The following GPC5 variants were observed in gnomAD, a reference collection of about 807,000 sequenced individuals.
The protein encoded by GPC5 is glypican-5.
Under a neutral mutation model 53.9 loss-of-function variants are expected in GPC5, and 47 were observed. That is an observed-to-expected ratio of 0.87 (90% confidence interval 0.69 to 1.11). GPC5 has a LOEUF of 1.11. Ranked by LOEUF, GPC5 falls within the 50% of genes most tolerant of loss-of-function variation. The pLI, the probability that GPC5 is intolerant of heterozygous loss-of-function variation, is 0.00. For synonymous variants in GPC5, 286 were observed against 263.3 expected, an observed-to-expected ratio of 1.09 and a Z score of -0.84; for missense variants, 748 against 713.1, an observed-to-expected ratio of 1.05 and a Z score of -0.56.
At chr13:91,871,348 A>G (rs1332892530) in intron 5 of GPC5, among the ~76,000 whole-genome samples, 1 of 152,110 alleles carries the variant, frequency 6.6e-6, no homozygotes, top group Non-Finnish European at 1.5e-5. Context: ...ACCGGGGTCT[A>G]CTTGAGAGAG....
At position 92,140,577 on chromosome 13, in the gene GPC5, T is replaced by C. The variant is rs575129764; in HGVS notation, c.1402-4253T>C. Among the ~76,000 whole-genome samples, 5 of 152,350 alleles carry C rather than the reference T, an allele frequency of 3.3e-5. No homozygotes were observed. The South Asian group carries it at 1.0e-3, about 32-fold the overall frequency. On this transcript the variant is annotated intron_variant, in intron 6 of 7. Coordinates refer to ENST00000377067, the MANE Select transcript of GPC5 (RefSeq NM_004466.6). ...CATTTTTCCACATTTTATCACTCTT[T>C]CTGTGACCCATCTTTTTGGATTGAT...
At chr13:92,477,214 A>G (rs1052471655) in intron 7 of GPC5, among the ~76,000 whole-genome samples, 27 of 152,110 alleles carry the variant, frequency 1.8e-4, no homozygotes, top group South Asian at 6.2e-4. Context: ...ATCTGAGTAA[A>G]CAAAAGTGGA....
At chr13:92,255,104 T>C (rs899186388) in intron 7 of GPC5, among the ~76,000 whole-genome samples, 6 of 152,200 alleles carry the variant, frequency 3.9e-5, no homozygotes, top group Non-Finnish European at 1.5e-5. Flanking sequence ...GCATAAGTTG[T>C]ATGCAAATAC....
intron 7 of GPC5, among the ~76,000 whole-genome samples, chr13:92,626,139 T>A (rs539658256): frequency 6.6e-6 from 1 of 152,338 alleles, no homozygotes; most frequent in African/African-American, 2.4e-5. Context: ...CTTACAATAC[T>A]CAGATTATAT....
intron 7 of GPC5, among the ~76,000 whole-genome samples, chr13:92,170,124 T>A (rs2042058910): frequency 6.6e-6 from 1 of 151,838 alleles, no homozygotes; most frequent in Non-Finnish European, 1.5e-5. Flanking sequence ...ACTAACATAT[T>A]GAAAGAATAT....
intron 2 of GPC5, among the ~76,000 whole-genome samples, chr13:91,534,919 T>C (rs2138689834): frequency 6.6e-6 from 1 of 152,332 alleles, no homozygotes; most frequent in African/African-American, 2.4e-5. Context: ...GTGGCCAGGA[T>C]GCTCTTTTAT....
intron 7 of GPC5, among the ~76,000 whole-genome samples, chr13:92,500,421 T>TA (rs1376444187): frequency 6.6e-6 from 1 of 151,950 alleles, no homozygotes; most frequent in East Asian, 1.9e-4. Flanking sequence ...CCCCCAGGAG[T>TA]AGAGAGCAAT....
At chr13:91,874,305 G>A (rs2039179272) in intron 5 of GPC5, among the ~76,000 whole-genome samples, 2 of 152,038 alleles carry the variant, frequency 1.3e-5, no homozygotes, top group South Asian at 4.1e-4. Context: ...GCATGGCCTT[G>A]ATTTTACACG....
At chr13:91,830,005 A>G (rs147430265) in intron 5 of GPC5, among the ~76,000 whole-genome samples, 6,735 of 152,196 alleles carry the variant, frequency 0.044, 174 homozygotes, top group Middle Eastern at 0.068. Flanking sequence ...ATCAGGAGAC[A>G]GGGTTTTGAG....
At chr13:92,805,493 C>T (rs544517243) in intron 7 of GPC5, among the ~76,000 whole-genome samples, 15 of 152,060 alleles carry the variant, frequency 9.9e-5, no homozygotes, top group South Asian at 6.2e-4. Flanking sequence ...CTGGAGTGCA[C>T]GGGCATGATC....
chr13:91,703,983 A>T (rs1265350196), intron 3 of GPC5, among the ~76,000 whole-genome samples: 1 of 152,056 alleles, frequency 6.6e-6, no homozygotes, highest in Admixed American at 6.6e-5. Context: ...AATTATCTGT[A>T]TATTTCTTTA....
At chr13:92,785,812 A>G (rs533007044) in intron 7 of GPC5, among the ~76,000 whole-genome samples, 114 of 152,320 alleles carry the variant, frequency 7.5e-4, no homozygotes, top group Non-Finnish European at 1.5e-3. Context: ...TGTGCAGTAC[A>G]ATATTCTGTG....
chr13:92,194,974 C>T (rs2042247177), intron 7 of GPC5, among the ~76,000 whole-genome samples: 1 of 152,140 alleles, frequency 6.6e-6, no homozygotes, highest in Non-Finnish European at 1.5e-5. Context: ...AACCTTAAAT[C>T]AGAGAAGCAT....
At chr13:92,103,150 C>G (rs1267070680) in intron 6 of GPC5, among the ~76,000 whole-genome samples, 2 of 152,028 alleles carry the variant, frequency 1.3e-5, no homozygotes, top group East Asian at 3.9e-4. Context: ...GTGTGAGCCA[C>G]CACATCCTGC....
chr13:91,783,039 G>A (rs2037822548), intron 5 of GPC5, among the ~76,000 whole-genome samples: 1 of 151,790 alleles, frequency 6.6e-6, no homozygotes, highest in Non-Finnish European at 1.5e-5. Context: ...GATCACCTGA[G>A]GTCAAGAGTT....
At chr13:92,143,573 T>A (rs1485205481) in intron 6 of GPC5, among the ~76,000 whole-genome samples, 4 of 152,158 alleles carry the variant, frequency 2.6e-5, no homozygotes, top group Non-Finnish European at 5.9e-5. Flanking sequence ...TTGACTTTGT[T>A]TGCAAAATGC....
intron 7 of GPC5, among the ~76,000 whole-genome samples, chr13:92,328,213 A>G (rs1184186313): frequency 6.6e-6 from 1 of 152,154 alleles, no homozygotes; most frequent in Non-Finnish European, 1.5e-5. Flanking sequence ...TTCAATCTAT[A>G]TTTGTGGAGG....
intron 2 of GPC5, among the ~76,000 whole-genome samples, chr13:91,689,200 T>TATATAC (rs2035694265): frequency 9.3e-6 from 1 of 107,112 alleles, no homozygotes; most frequent in Non-Finnish European, 1.8e-5. Context: ...TATATATATA[T>TATATAC]ATATATATAT....
chr13:92,828,046 A>C (rs180804155), intron 7 of GPC5, among the ~76,000 whole-genome samples: 179 of 152,250 alleles, frequency 1.2e-3, no homozygotes, highest in African/African-American at 4.1e-3. Context: ...AGCATAGAGA[A>C]AGAAACAGGC....
Sources: gnomAD v4.1 joint callset for allele counts (sites outside exome capture counted in the v4.1 genomes callset) on GRCh38, gnomAD v4.1.1 for gene constraint, MANE v1.5 for transcripts, NCBI Gene and HGNC (gene_info 2026-07-23, HGNC 2026-07-21) for gene names.